The following CACNB2 variants were observed in gnomAD, a reference collection of about 807,000 sequenced individuals.
CACNB2 encodes the protein voltage-dependent L-type calcium channel subunit beta-2.
Under a neutral mutation model 73.3 loss-of-function variants are expected in CACNB2, and 42 were observed. The ratio of observed to expected loss-of-function variants is 0.57; its 90% confidence interval spans 0.45 to 0.74. CACNB2 has a LOEUF of 0.74. CACNB2 is among the 30% of genes least tolerant of loss of function. The pLI, the probability that CACNB2 is intolerant of heterozygous loss-of-function variation, is 0.00. For synonymous variants in CACNB2, 348 were observed against 310.3 expected (o/e 1.12, Z -1.28); for missense variants, 940 against 853.0 (o/e 1.10, Z -1.27).
chr10:18,430,512 T>C (rs7077248), intron 3 of CACNB2, among the ~76,000 whole-genome samples: 134,869 of 152,088 alleles, frequency 0.89, 60,170 homozygotes, highest in African/African-American at 0.97. Context: ...GGCCTATAGT[T>C]CCAGGTATGT....
chr10:18,205,086 T>TA (rs55729747), intron 2 of CACNB2, among the ~76,000 whole-genome samples: 1 of 151,418 alleles, frequency 6.6e-6, no homozygotes. Flanking sequence ...TGAGGGTTTT[T>TA]AAAAAAAAAT....
At chr10:18,247,095 G>A (rs956001771) in intron 2 of CACNB2, among the ~76,000 whole-genome samples, 2 of 152,100 alleles carry the variant, frequency 1.3e-5, no homozygotes, top group Non-Finnish European at 2.9e-5. Context: ...CCCTACTGCT[G>A]AATGACATCA....
intron 2 of CACNB2, among the ~76,000 whole-genome samples, chr10:18,320,321 T>G (rs1351306393): frequency 6.6e-6 from 1 of 152,238 alleles, no homozygotes; most frequent in South Asian, 2.1e-4. Flanking sequence ...TGCATTGTTA[T>G]GTTTGTTTCA....
At chr10:18,156,992 GAGATTGCGCCATTGCACTC>G (rs913688400) in intron 2 of CACNB2, among the ~76,000 whole-genome samples, 3 of 151,272 alleles carry the variant, frequency 2.0e-5, no homozygotes, top group Admixed American at 6.6e-5. Context: ...GCGGTGAGCC[GAGATTGCGCCATTGCACTC>G]AGATTGCGCC....
chr10:18,512,831 C>T lies in CACNB2; in HGVS notation c.671-1405C>T, dbSNP rs182204562. Among the ~76,000 whole-genome samples the T allele has an allele frequency of 4.3e-3, 659 of 152,174 alleles. 2 individuals are homozygous for T. The highest frequency in any genetic ancestry group is 0.012 in the African/African-American group (503 of 41,528). The stretch of plus-strand genomic sequence containing the variant: ...GCTTGAAGAAATGGTAGTTGGTTGG[C>T]AAGAGGTCATGTGAATATGATGGAT... On this transcript the variant is annotated intron_variant, in intron 6 of 13. Transcript: ENST00000324631.
intron 2 of CACNB2, among the ~76,000 whole-genome samples, chr10:18,153,592 T>C (rs1170558434): frequency 6.7e-6 from 1 of 150,312 alleles, no homozygotes; most frequent in African/African-American, 2.5e-5. Flanking sequence ...ATTTATTTAT[T>C]TATTTTTGAG....
In CACNB2 at chr10:18,247,553, T is replaced by C. The variant is rs1588837089; in HGVS notation, c.213+96578T>C. Among the ~76,000 whole-genome samples the C allele has an allele frequency of 2.6e-5, 4 of 152,108 alleles. No homozygotes were observed. In the East Asian group the frequency reaches 5.8e-4, roughly 22 times the overall value. Reference sequence around the variant, plus strand: ...AAATGATTATATTCTTTCCATCATCTCTTAAAAAAAAAATCATACTGTGAT... The same window carrying C: ...AAATGATTATATTCTTTCCATCATCCCTTAAAAAAAAAATCATACTGTGAT... On this transcript the variant is annotated intron_variant, in intron 2 of 13. Transcript: ENST00000324631.
intron 3 of CACNB2, among the ~76,000 whole-genome samples, chr10:18,452,570 G>A (rs563600520): frequency 6.6e-6 from 1 of 152,218 alleles, no homozygotes; most frequent in Admixed American, 6.5e-5. Flanking sequence ...TAAAGTCAGG[G>A]TCTTGCTCTG....
At chr10:18,220,223 A>G (rs562249764) in intron 2 of CACNB2, among the ~76,000 whole-genome samples, 1,138 of 53,478 alleles carry the variant, frequency 0.021, 135 homozygotes, top group African/African-American at 0.13. Flanking sequence ...ATATATATAT[A>G]TATATATATA....
intron 2 of CACNB2, among the ~76,000 whole-genome samples, chr10:18,235,161 A>G (rs1274253998): frequency 7.9e-6 from 1 of 127,212 alleles, no homozygotes; most frequent in Non-Finnish European, 1.6e-5. Context: ...AAAAAAAAAC[A>G]GTTAAAAGGA....
intron 2 of CACNB2, among the ~76,000 whole-genome samples, chr10:18,241,624 A>C (rs190453701): frequency 6.6e-6 from 1 of 152,332 alleles, no homozygotes; most frequent in East Asian, 1.9e-4. Flanking sequence ...AAAGAGGTAC[A>C]TGGGAAACAA....
intron 3 of CACNB2, among the ~76,000 whole-genome samples, chr10:18,451,132 T>A (rs1434446470): frequency 6.6e-6 from 1 of 152,188 alleles, no homozygotes; most frequent in East Asian, 1.9e-4. Context: ...AGTGCAGAGC[T>A]GGGATTTGAA....
chr10:18,359,601 GT>G (rs72465413), intron 2 of CACNB2, among the ~76,000 whole-genome samples: 60,704 of 147,776 alleles, frequency 0.41, 13,296 homozygotes, highest in East Asian at 0.94. Context: ...ATTCTGTTTT[GT>G]TTTTTTTTTT....
chr10:18,182,265 CA>C (rs1414141158), intron 2 of CACNB2, among the ~76,000 whole-genome samples: 2 of 151,916 alleles, frequency 1.3e-5, no homozygotes, highest in Admixed American at 6.6e-5. Flanking sequence ...AGTTTGAGAC[CA>C]GTGAGCCGAG....
At chr10:18,368,075 T>C (rs1168112630) in intron 2 of CACNB2, among the ~76,000 whole-genome samples, 1 of 152,186 alleles carries the variant, frequency 6.6e-6, no homozygotes, top group Admixed American at 6.5e-5. Flanking sequence ...GAAAGAAATT[T>C]CTTGAAAAGC....
intron 2 of CACNB2, among the ~76,000 whole-genome samples, chr10:18,201,130 C>T (rs1035637858): frequency 1.3e-5 from 2 of 152,140 alleles, no homozygotes; most frequent in African/African-American, 4.8e-5. Flanking sequence ...AACATTTTAT[C>T]TATGCATTAC....
intron 2 of CACNB2, among the ~76,000 whole-genome samples, chr10:18,339,047 C>T (rs916428730): frequency 5.9e-5 from 9 of 152,002 alleles, no homozygotes; most frequent in African/African-American, 1.7e-4. Context: ...GCCTGTTTCC[C>T]GTTTTTTACT....
chr10:18,237,778 C>A lies in CACNB2; in HGVS notation c.213+86803C>A, dbSNP rs80167292. On this transcript the variant is annotated intron_variant, in intron 2 of 13. Transcript: ENST00000324631. ...GCAGCTTTGATTCAGTGTGATATAC[C>A]CAACAGGGGTAATGGTATGCACCAG... 4.2e-3 allele frequency among the ~76,000 whole-genome samples: 633 copies of A among 152,194 alleles called. 9 individuals are homozygous for A. In the East Asian group the frequency reaches 0.044, roughly 11 times the overall value.
At chr10:18,507,801 A>G (rs1253944806) in intron 6 of CACNB2, among the ~76,000 whole-genome samples, 1 of 152,238 alleles carries the variant, frequency 6.6e-6, no homozygotes, top group Non-Finnish European at 1.5e-5. Flanking sequence ...GAGTTGTACA[A>G]CTATGCAGAA....
Sources: gnomAD v4.1 joint callset for allele counts (sites outside exome capture counted in the v4.1 genomes callset) on GRCh38, gnomAD v4.1.1 for gene constraint, MANE v1.5 for transcripts, NCBI Gene and HGNC (gene_info 2026-07-23, HGNC 2026-07-21) for gene names.